Variants in EPHA6 observed in about 807,000 individuals in gnomAD.
The protein encoded by EPHA6 is ephrin type-A receptor 6.
EPHA6 carries 50 observed loss-of-function variants against 112.0 expected under a neutral mutation model. That is an observed-to-expected ratio of 0.45 (90% CI 0.36 to 0.56). The LOEUF (loss-of-function observed/expected upper bound fraction) is 0.56. Ranked by LOEUF, EPHA6 falls within the 20% of genes least tolerant of loss-of-function variation. EPHA6 has a pLI of 0.00. For missense variants in EPHA6, 1,280 were observed against 1,417.4 expected (o/e 0.90, Z 1.56); for synonymous variants, 529 against 490.7 (o/e 1.08, Z -1.03).
chr3:97,589,777 A>G (rs987823743), intron 11 of EPHA6, among the ~76,000 whole-genome samples: 1 of 152,228 alleles, frequency 6.6e-6, no homozygotes, highest in African/African-American at 2.4e-5. Context: ...TATAAAATCT[A>G]ATTTATATTA....
intron 2 of EPHA6, among the ~76,000 whole-genome samples, chr3:96,935,408 A>G (rs2040527354): frequency 6.6e-6 from 1 of 151,458 alleles, no homozygotes; most frequent in African/African-American, 2.4e-5. Context: ...AAACATTTAC[A>G]CATATTTTAA....
chr3:96,868,078 A>G (rs1472954817), intron 2 of EPHA6, among the ~76,000 whole-genome samples: 1 of 151,666 alleles, frequency 6.6e-6, no homozygotes, highest in Non-Finnish European at 1.5e-5. Context: ...AAACATTCGT[A>G]TTGTTGAGTA....
At chr3:96,974,614 T>A (rs2042449029) in intron 2 of EPHA6, among the ~76,000 whole-genome samples, 1 of 152,052 alleles carries the variant, frequency 6.6e-6, no homozygotes, top group Admixed American at 6.6e-5. Flanking sequence ...GAATAGAATA[T>A]CTTGCAAACT....
At chr3:97,293,614 G>C (rs2080773919) in intron 5 of EPHA6, among the ~76,000 whole-genome samples, 1 of 152,210 alleles carries the variant, frequency 6.6e-6, no homozygotes. Flanking sequence ...CAGAAGGGAG[G>C]AAGCCTGTCC....
At chr3:97,591,919 G>A (rs902896698) in intron 11 of EPHA6, among the ~76,000 whole-genome samples, 6 of 152,060 alleles carry the variant, frequency 3.9e-5, no homozygotes, top group African/African-American at 1.4e-4. Context: ...TCTCTACACT[G>A]TTATTTCGTT....
chr3:97,325,765 T>C (rs902126212), intron 5 of EPHA6, among the ~76,000 whole-genome samples: 1 of 152,124 alleles, frequency 6.6e-6, no homozygotes, highest in African/African-American at 2.4e-5. Flanking sequence ...TAATTTGAAA[T>C]TCATACTCCT....
At chr3:96,973,402 C>T (rs572308296) in intron 2 of EPHA6, among the ~76,000 whole-genome samples, 58 of 151,926 alleles carry the variant, frequency 3.8e-4, no homozygotes, top group African/African-American at 1.3e-3. Context: ...TCTTTAGCTG[C>T]GAAATGTTTA....
Position 97,226,368 on chromosome 3 carries a change from G to A in EPHA6, c.1219G>A (p.Glu407Lys). 6.2e-7 allele frequency: 1 copy of A among 1,613,660 alleles called. No individual in the cohort carries two copies. The highest frequency in any genetic ancestry group is 8.5e-7 in the Non-Finnish European group (1 of 1,179,688). The change falls in exon 4 of 18, where the codon GAA (glutamate) becomes AAA (lysine). Residue 407 changes from glutamate (E) to lysine (K), a missense_variant. This residue lies in a region of EPHA6 where 878 missense variants were observed against 999.7 expected (regional missense o/e 0.88). Transcript: ENST00000389672. ...YMEATSVCQC[E>K]KGYFRAEKDP... ...GGAAGCAACTTCTGTCTGTCAGTGT[G>A]AAAAGGGTTATTTCCGAGCTGAAAA...
intron 3 of EPHA6, among the ~76,000 whole-genome samples, chr3:97,060,849 G>A (rs967555514): frequency 1.3e-5 from 2 of 150,202 alleles, no homozygotes; most frequent in East Asian, 2.0e-4. Flanking sequence ...GCGTGAACCC[G>A]GGAGGCGGAG....
At chr3:97,396,273 C>G (rs1166777018) in intron 5 of EPHA6, among the ~76,000 whole-genome samples, 2 of 149,522 alleles carry the variant, frequency 1.3e-5, no homozygotes, top group Non-Finnish European at 3.0e-5. Flanking sequence ...CACACACACA[C>G]AATGAGCACG....
chr3:97,312,230 G>A (rs953889007), intron 5 of EPHA6, among the ~76,000 whole-genome samples: 1 of 151,332 alleles, frequency 6.6e-6, no homozygotes. Context: ...TGCAAATAAA[G>A]ATGGGTATAT....
chr3:97,464,469 T>C (rs2090990716), intron 7 of EPHA6, among the ~76,000 whole-genome samples: 1 of 152,136 alleles, frequency 6.6e-6, no homozygotes, highest in African/African-American at 2.4e-5. Flanking sequence ...CCTTCCACTA[T>C]AAATGTTGAG....
intron 10 of EPHA6, among the ~76,000 whole-genome samples, chr3:97,520,189 G>A (rs998980979): frequency 2.0e-5 from 3 of 151,966 alleles, no homozygotes; most frequent in African/African-American, 7.3e-5. Context: ...GGATGGTCTC[G>A]ATCTCCTGAC....
intron 14 of EPHA6, among the ~76,000 whole-genome samples, chr3:97,690,291 C>T (rs2032570180): frequency 6.6e-6 from 1 of 152,212 alleles, no homozygotes; most frequent in African/African-American, 2.4e-5. Context: ...AATTTCAGGA[C>T]ATCCTGGCTA....
chr3:97,263,436 TACACACAC>T (rs34479594), intron 5 of EPHA6, among the ~76,000 whole-genome samples: 11 of 142,240 alleles, frequency 7.7e-5, no homozygotes, highest in Admixed American at 7.1e-4. Context: ...ATTAAAGGGA[TACACACAC>T]ACACACACAC....
intron 14 of EPHA6, among the ~76,000 whole-genome samples, chr3:97,686,753 C>G (rs1055117405): frequency 1.3e-5 from 2 of 152,164 alleles, no homozygotes; most frequent in African/African-American, 4.8e-5. Context: ...GATAAGACTT[C>G]AAGTGTTTTT....
intron 5 of EPHA6, among the ~76,000 whole-genome samples, chr3:97,345,511 T>C (rs992709056): frequency 6.6e-6 from 1 of 152,126 alleles, no homozygotes; most frequent in Non-Finnish European, 1.5e-5. Flanking sequence ...TAAGGTGGGC[T>C]TAAGTGGGCA....
chr3:96,875,254 T>G lies in EPHA6; in HGVS notation c.450+8365T>G, dbSNP rs1387074899. Among the ~76,000 whole-genome samples the G allele has an allele frequency of 2.0e-5, 3 of 152,092 alleles. 1 individual carries two copies. Among genetic ancestry groups the G allele is most frequent in the Admixed American group, 2.0e-4 (3 of 15,244 alleles). On this transcript the variant is annotated intron_variant, in intron 2 of 17. Transcript: ENST00000389672. ...ATGAATCATCCAAAGCTGATGGCTT[T>G]CTTTTATCAGCTCATGCATGGGTAA...
chr3:97,614,512 T>TATTA (rs1457328093), intron 13 of EPHA6, among the ~76,000 whole-genome samples: 7 of 144,282 alleles, frequency 4.9e-5, no homozygotes, highest in African/African-American at 1.8e-4. Context: ...TTTTTTTTTT[T>TATTA]TTTTTTTTTT....
Sources: allele counts gnomAD v4.1 joint callset (sites outside exome capture counted in the v4.1 genomes callset), GRCh38; gene constraint gnomAD v4.1.1; regional missense constraint gnomAD v4.1.1; transcripts MANE v1.5; gene names NCBI Gene and HGNC (gene_info 2026-07-23, HGNC 2026-07-21).